The following OR7D2 variants were observed in gnomAD, a reference collection of about 807,000 sequenced individuals.
The protein encoded by OR7D2 is olfactory receptor 7D2.
For synonymous variants in OR7D2, 158 were observed against 158.7 expected (o/e 1.00, Z 0.03); for missense variants, 370 against 384.1 (o/e 0.96, Z 0.31).
intron 2 of OR7D2, among the ~76,000 whole-genome samples, chr19:9,184,792 T>C (rs898364323): frequency 2.0e-5 from 3 of 152,166 alleles, no homozygotes; most frequent in African/African-American, 7.2e-5. Flanking sequence ...TGTATGTGTA[T>C]GTGTGTGTAT....
chr19:9,181,627 G>T (rs1272908934), intron 2 of OR7D2, among the ~76,000 whole-genome samples: 1 of 151,624 alleles, frequency 6.6e-6, no homozygotes, highest in Non-Finnish European at 1.5e-5. Flanking sequence ...GCTAATTTTT[G>T]TATTTTTTGT....
intron 2 of OR7D2, among the ~76,000 whole-genome samples, chr19:9,184,991 T>TAGAC (rs1555716599): frequency 1.3e-5 from 2 of 151,448 alleles, no homozygotes; most frequent in African/African-American, 4.9e-5. Context: ...AAGTCAAATA[T>TAGAC]AGAGAATAAA....
At chr19:9,182,840 A>C in intron 2 of OR7D2, 1 of 229,604 alleles carries the variant, frequency 4.4e-6, no homozygotes, top group African/African-American at 2.4e-5. Flanking sequence ...TACTTTTGAT[A>C]GCACATGTGA....
At chr19:9,180,002 TAA>T (rs111281985) in intron 1 of OR7D2, among the ~76,000 whole-genome samples, 3 of 145,670 alleles carry the variant, frequency 2.1e-5, no homozygotes, top group Non-Finnish European at 3.0e-5. Flanking sequence ...AAACTCCGTC[TAA>T]AAAAAAAAAA....
chr19:9,184,115 C>T (rs552684187), intron 2 of OR7D2, among the ~76,000 whole-genome samples: 4 of 150,420 alleles, frequency 2.7e-5, no homozygotes, highest in African/African-American at 7.4e-5. Flanking sequence ...AAATAGAGGC[C>T]GGGTGTGGTG....
At chr19:9,184,136 G>A (rs1045984174) in intron 2 of OR7D2, among the ~76,000 whole-genome samples, 1 of 151,852 alleles carries the variant, frequency 6.6e-6, no homozygotes, top group Non-Finnish European at 1.5e-5. Context: ...GCTTACGCCT[G>A]TAATCCCCAG....
At position 9,186,122 on chromosome 19, in the gene OR7D2, T is replaced by C. The variant is rs1206250966; in HGVS notation, c.341T>C (p.Leu114Pro). The stretch of plus-strand genomic sequence containing the variant: ...TTTTTTCCTATTCTGGACACGCTAC[T>C]CCTGACCGTGATGGCCTATGACCGG... The part of the protein sequence containing the change: ...SMFFPILDTL[L>P]LTVMAYDRFV... The change falls in exon 3 of 3, where the codon CTC becomes CCC. Residue 114 changes from leucine to proline, a missense_variant. By Grantham distance (98) the Leu-to-Pro change is moderately conservative. Transcript: ENST00000641288. The C allele has an allele frequency of 5.6e-6, 9 of 1,614,062 alleles. No individual in the cohort carries two copies. The highest frequency in any genetic ancestry group is 7.6e-6 in the Non-Finnish European group (9 of 1,180,004).
At chr19:9,183,753 C>T (rs1405381826) in intron 2 of OR7D2, among the ~76,000 whole-genome samples, 2 of 147,682 alleles carry the variant, frequency 1.4e-5, no homozygotes, top group Non-Finnish European at 3.0e-5. Context: ...GTCAGGAGAT[C>T]GAGACCATCC....
At chr19:9,185,478 A>T (rs2051023646) in intron 2 of OR7D2, 2 of 151,604 alleles carry the variant, frequency 1.3e-5, no homozygotes, top group African/African-American at 4.8e-5. Context: ...ATGTTAACTG[A>T]TGTTTCTCTT....
Position 9,187,142 on chromosome 19 carries a change from T to TACGC in OR7D2, c.*422_*423insACGC. 2 of 166,218 alleles carry TACGC rather than the reference T, an allele frequency of 1.2e-5. No homozygotes were observed. The highest frequency in any genetic ancestry group is 3.8e-4 in the East Asian group (2 of 5,236). 10.3% of individuals were successfully genotyped at this position (166,218 alleles called of 1,614,324 possible). A position where few individuals can be genotyped will look rare whatever the true frequency, so the allele number is the denominator to read the frequency against. On this transcript the variant is annotated 3_prime_UTR_variant, in exon 3 of 3. Coordinates refer to ENST00000641288, the MANE Select transcript of OR7D2 (RefSeq NM_175883.4). ...TGGTCTCGAACTCCTGACCTTGTGA[T>TACGC]CCACCTGCCTTGGCCTCTCAAAGTG... is the stretch of plus-strand genomic sequence containing the variant.
At position 9,179,464 on chromosome 19, in the gene OR7D2, C is replaced by T. The variant is rs895183948; in HGVS notation, c.-105+341C>T. ...CTGAGTCAGGAGAATGGCTTGAACC[C>T]GGGAGACAGAGGTTGCCATGAGCCA... On this transcript the variant is annotated intron_variant, in intron 1 of 2. Transcript: ENST00000641288. 3.3e-5 allele frequency among the ~76,000 whole-genome samples: 5 copies of T among 151,294 alleles called. No individual in the cohort carries two copies. The South Asian group carries it at 6.3e-4, about 19-fold the overall frequency.
chr19:9,182,593 C>T (rs374943931), intron 2 of OR7D2: 2 of 158,902 alleles, frequency 1.3e-5, no homozygotes, highest in South Asian at 2.0e-4. Flanking sequence ...GATCTCGGCT[C>T]ACTGCCAGCT....
In OR7D2 at chr19:9,186,894, A is replaced by C; in HGVS notation, c.*174A>C. The C allele has an allele frequency of 1.9e-6, 1 of 540,522 alleles. No homozygotes were observed. Among genetic ancestry groups the C allele is most frequent in the South Asian group, 3.4e-5 (1 of 28,992 alleles). The allele number at this position is 540,522 out of a possible 1,614,324, so 33.5% of individuals were successfully genotyped here. ...GTGAAGTCTGAGCTTTTGGCGTACC[A>C]ATTACCTGAATAGTGAACATAAGGC... On this transcript the variant is annotated 3_prime_UTR_variant, in exon 3 of 3. Transcript: ENST00000641288.
In OR7D2 at chr19:9,187,945, G is replaced by A. The variant is rs368963114; in HGVS notation, c.*1225G>A. On this transcript the variant is annotated 3_prime_UTR_variant, in exon 3 of 3. Coordinates refer to ENST00000641288, the MANE Select transcript of OR7D2 (RefSeq NM_175883.4). Reference sequence around the variant, plus strand: ...TCACTCATTGGTTGATGGGCACTTAGGTTGGTTCCATGCCTTTGTAATTGC... The same window carrying A: ...TCACTCATTGGTTGATGGGCACTTAAGTTGGTTCCATGCCTTTGTAATTGC... The A allele has an allele frequency of 8.5e-4, 141 of 166,668 alleles. No homozygotes were observed. Among genetic ancestry groups the A allele is most frequent in the African/African-American group, 3.1e-3 (128 of 41,532 alleles). The allele number at this position is 166,668 out of a possible 1,614,324, so 10.3% of individuals were successfully genotyped here.
rs759947602 is a variant in OR7D2 at position 9,185,926 on chromosome 19, A to G, written c.145A>G (p.Ile49Val). ...GGGAAACCTGCTCATCATCCTGGCC[A>G]TCAGCTCTGACTCCCACCTCCACAC... ...VLGNLLIILAISSDSHLHTPM... is the reference protein window; with the variant it reads ...VLGNLLIILAVSSDSHLHTPM... Residue 49 changes from isoleucine (I) to valine (V), a missense_variant, in exon 3 of 3, where the codon ATC becomes GTC. Ile to Val is a conservative substitution (Grantham distance 29). Coordinates refer to ENST00000641288, the MANE Select transcript of OR7D2 (RefSeq NM_175883.4). 2.2e-5 allele frequency: 36 copies of G among 1,613,872 alleles called. No homozygotes were observed. Among genetic ancestry groups the G allele is most frequent in the South Asian group, 3.3e-5 (3 of 91,064 alleles).
chr19:9,186,640 C>A lies in OR7D2; in HGVS notation c.859C>A (p.Pro287Thr). The A allele has an allele frequency of 1.2e-6, 2 of 1,614,094 alleles. No individual in the cohort carries two copies. Among genetic ancestry groups the A allele is most frequent in the Non-Finnish European group, 1.7e-6 (2 of 1,180,016 alleles). Residue 287 changes from proline (P) to threonine (T), a missense_variant, in exon 3 of 3, where the codon CCC becomes ACC. Transcript: ENST00000641288. ...CACTGTGGTCACCCCCATGTTGAAC[C>A]CCTTCATCTACAGCCTGAGGAACAA... ...MYTVVTPMLN[P>T]FIYSLRNKDV...
At chr19:9,179,582 C>T (rs1271219708) in intron 1 of OR7D2, among the ~76,000 whole-genome samples, 1 of 152,036 alleles carries the variant, frequency 6.6e-6, no homozygotes, top group Non-Finnish European at 1.5e-5. Flanking sequence ...GTTTCTGTCA[C>T]CTCCACCTCT....
In OR7D2 at chr19:9,185,981, C is replaced by A. The variant is rs753462028; in HGVS notation, c.200C>A (p.Ser67Tyr). ...TPMYFFLSNLSWVDICFSTCI... is the reference protein window; with the variant it reads ...TPMYFFLSNLYWVDICFSTCI... ...ATGTACTTCTTCCTCTCCAACCTGT[C>A]CTGGGTTGACATCTGTTTCAGCACT... The change falls in exon 3 of 3, where the codon TCC becomes TAC. Residue 67 changes from serine (S) to tyrosine (Y), a missense_variant. Transcript: ENST00000641288. The A allele has an allele frequency of 3.1e-6, 5 of 1,614,116 alleles. No individual in the cohort carries two copies. In the East Asian group the frequency reaches 1.1e-4, roughly 36 times the overall value.
At position 9,186,405 on chromosome 19, in the gene OR7D2, T is replaced by C; in HGVS notation, c.624T>C (p.Val208=). The C allele has an allele frequency of 6.2e-7, 1 of 1,614,168 alleles. No homozygotes were observed. Among genetic ancestry groups the C allele is most frequent in the Non-Finnish European group, 8.5e-7 (1 of 1,180,040 alleles). ...ACTTTATGACGGGTGTGCTGGGCGT[T>C]TTTCCCCTCCTTGGGATCATTTTCT... ...LIYFMTGVLG[V]FPLLGIIFSY... Residue 208 remains valine (V), a synonymous_variant, in exon 3 of 3, where the codon GTT becomes GTC. Transcript: ENST00000641288.
Sources: allele counts gnomAD v4.1 joint callset (sites outside exome capture counted in the v4.1 genomes callset), GRCh38; gene constraint gnomAD v4.1.1; transcripts MANE v1.5; gene names NCBI Gene and HGNC (gene_info 2026-07-23, HGNC 2026-07-21).